FOCAD: variants seen among roughly 807,000 people sequenced by gnomAD.
FOCAD encodes KIAA1797.
A neutral mutation model predicts 225.6 loss-of-function variants in FOCAD; 198 were observed. The observed-to-expected ratio is 0.88, with a 90% confidence interval of 0.78 to 0.99. The LOEUF (loss-of-function observed/expected upper bound fraction) is 0.99. FOCAD is among the 50% of genes least tolerant of loss of function. The pLI is 0.00. For synonymous variants in FOCAD, 897 were observed against 755.0 expected (o/e 1.19, Z -3.08); for missense variants, 2,713 against 2,123.6 (o/e 1.28, Z -5.46).
intron 9 of FOCAD, among the ~76,000 whole-genome samples, chr9:20,779,706 C>T (rs758254041): frequency 1.3e-5 from 2 of 151,528 alleles, no homozygotes; most frequent in African/African-American, 4.9e-5. Flanking sequence ...GCCGAGATCG[C>T]GCCATTGCAC....
intron 11 of FOCAD, among the ~76,000 whole-genome samples, chr9:20,809,468 C>G (rs1310765933): frequency 6.6e-6 from 1 of 152,000 alleles, no homozygotes; most frequent in Non-Finnish European, 1.5e-5. Context: ...ATTGATCAAT[C>G]AAATTAAAAT....
intron 11 of FOCAD, among the ~76,000 whole-genome samples, chr9:20,809,665 C>G (rs1822842214): frequency 6.6e-6 from 1 of 151,992 alleles, no homozygotes; most frequent in African/African-American, 2.4e-5. Context: ...TACTTTTAAT[C>G]TTTAAAGTTG....
intron 4 of FOCAD, among the ~76,000 whole-genome samples, chr9:20,724,704 G>A (rs1489983950): frequency 6.6e-6 from 1 of 151,646 alleles, no homozygotes; most frequent in Non-Finnish European, 1.5e-5. Flanking sequence ...TAGTGAATAC[G>A]AAGACTATAC....
chr9:20,764,648 C>T (rs1196714595), intron 6 of FOCAD, among the ~76,000 whole-genome samples: 1 of 152,190 alleles, frequency 6.6e-6, no homozygotes, highest in South Asian at 2.1e-4. Context: ...GGGCATCTAG[C>T]TTACAGTCTC....
intron 4 of FOCAD, among the ~76,000 whole-genome samples, chr9:20,722,764 AT>A (rs1825886906): frequency 6.6e-6 from 1 of 152,140 alleles, no homozygotes; most frequent in Admixed American, 6.5e-5. Context: ...TTGTTTTCTC[AT>A]TTATTGGTTG....
chr9:20,874,926 G>C (rs552608504), intron 19 of FOCAD, 119 bp downstream of exon 19: 1 of 1,291,136 alleles, frequency 7.7e-7, no homozygotes, highest in Admixed American at 2.0e-5. Flanking sequence ...TTTTTAACCA[G>C]AATGTTAAAT....
At chr9:20,951,704 T>C (rs939320450) in intron 34 of FOCAD, among the ~76,000 whole-genome samples, 6 of 152,206 alleles carry the variant, frequency 3.9e-5, no homozygotes, top group African/African-American at 1.4e-4. Flanking sequence ...TTCTAGCTTT[T>C]TGGTAAAAGC....
rs3086547 is a variant in FOCAD, at chr9:20,845,442, GATATATAT to G, written c.1921-17119_1921-17112del. Reference sequence around the variant, plus strand: ...GATATATTTTATGCATCTTTTCCTCGATATATATATATATATATATATATGACACGTGG... The same window carrying G: ...GATATATTTTATGCATCTTTTCCTCGATATATATATATATATGACACGTGG... On this transcript the variant is annotated intron_variant, in intron 15 of 43. Transcript: ENST00000338382. Among the ~76,000 whole-genome samples, 61 of 121,236 alleles carry G rather than the reference GATATATAT, an allele frequency of 5.0e-4. No individual in the cohort carries two copies. In the Admixed American group the frequency reaches 5.2e-3, roughly 10 times the overall value. The allele number at this position is 121,236 out of a possible 152,430, so 79.5% of individuals were successfully genotyped here. A position where few individuals can be genotyped will look rare whatever the true frequency, so the allele number is the denominator to read the frequency against.
chr9:20,828,872 T>A (rs1046918081), intron 15 of FOCAD, among the ~76,000 whole-genome samples: 1 of 152,066 alleles, frequency 6.6e-6, no homozygotes, highest in Non-Finnish European at 1.5e-5. Context: ...CCACTTATAA[T>A]TGAGAACATG....
chr9:20,947,352 G>A (rs944134747), intron 30 of FOCAD, among the ~76,000 whole-genome samples: 3 of 152,114 alleles, frequency 2.0e-5, no homozygotes, highest in Admixed American at 6.6e-5. Context: ...ACTAGAACAC[G>A]GATGAACCTT....
At chr9:20,739,298 A>C (rs1051484739) in intron 4 of FOCAD, among the ~76,000 whole-genome samples, 1 of 152,230 alleles carries the variant, frequency 6.6e-6, no homozygotes, top group African/African-American at 2.4e-5. Flanking sequence ...GTTAACAAGC[A>C]TAATTAAACA....
intron 1 of FOCAD, among the ~76,000 whole-genome samples, chr9:20,711,915 A>G (rs1364109498): frequency 6.6e-6 from 1 of 152,186 alleles, no homozygotes; most frequent in East Asian, 1.9e-4. Context: ...GGACAGAGGA[A>G]CAGGAGGAGT....
chr9:20,744,296 G>A (rs1299150693), intron 5 of FOCAD, among the ~76,000 whole-genome samples: 3 of 152,090 alleles, frequency 2.0e-5, no homozygotes, highest in Non-Finnish European at 4.4e-5. Context: ...TTTTTAACAC[G>A]GGATTTGAAT....
intron 20 of FOCAD, among the ~76,000 whole-genome samples, chr9:20,884,836 C>T (rs368954807): frequency 8.6e-5 from 13 of 151,740 alleles, no homozygotes; most frequent in East Asian, 5.9e-4. Context: ...ATGAGGCAGG[C>T]GGATCATGAG....
At chr9:20,849,569 C>T (rs1158764780) in intron 15 of FOCAD, among the ~76,000 whole-genome samples, 1 of 151,728 alleles carries the variant, frequency 6.6e-6, no homozygotes, top group African/African-American at 2.4e-5. Flanking sequence ...CTTAGGACAG[C>T]TTTGGTTTTG....
chr9:20,764,206 C>A (rs1829859354), intron 6 of FOCAD, among the ~76,000 whole-genome samples: 1 of 152,168 alleles, frequency 6.6e-6, no homozygotes, highest in Non-Finnish European at 1.5e-5. Context: ...ATGTTTGTGT[C>A]ATACTCCTGG....
chr9:20,843,547 C>G (rs976569013), intron 15 of FOCAD, among the ~76,000 whole-genome samples: 2 of 151,888 alleles, frequency 1.3e-5, no homozygotes, highest in Admixed American at 6.6e-5. Flanking sequence ...AATCCTTAAC[C>G]TTTAGGAGTT....
At chr9:20,669,590 C>A (rs907918806) in intron 2 of FOCAD, among the ~76,000 whole-genome samples, 69 of 152,072 alleles carry the variant, frequency 4.5e-4, no homozygotes, top group Admixed American at 3.9e-4. Context: ...GCCTGGCCAA[C>A]ATGGGGAAAC....
chr9:20,807,530 A>G (rs967231012), intron 11 of FOCAD, among the ~76,000 whole-genome samples: 1 of 152,248 alleles, frequency 6.6e-6, no homozygotes, highest in Non-Finnish European at 1.5e-5. Context: ...TTATTTCACT[A>G]TGTAATTAGC....
Sources: gnomAD v4.1 joint callset for allele counts (sites outside exome capture counted in the v4.1 genomes callset) on GRCh38, gnomAD v4.1.1 for gene constraint, MANE v1.5 for transcripts, NCBI Gene and HGNC (gene_info 2026-07-23, HGNC 2026-07-21) for gene names.